SYTL2: variants seen among roughly 807,000 people sequenced by gnomAD.
SYTL2 encodes synaptotagmin like 2.
Under a neutral mutation model 198.7 loss-of-function variants are expected in SYTL2, and 165 were observed. That is an observed-to-expected ratio of 0.83 (90% confidence interval 0.73 to 0.94). The LOEUF is 0.94. Among genes scored for constraint, SYTL2 ranks in the 40% least tolerant of loss-of-function variants. The pLI is 0.00. For synonymous variants in SYTL2, 966 were observed against 917.7 expected, an observed-to-expected ratio of 1.05 and a Z score of -0.95; for missense variants, 2,835 against 2,582.8, an observed-to-expected ratio of 1.10 and a Z score of -2.12.
Position 85,726,120 on chromosome 11 carries a change from G to T in SYTL2, c.3238C>A (p.Gln1080Lys). Residue 1080 changes from glutamine (Q) to lysine (K), a missense_variant, in exon 8 of 20, where the codon CAG becomes AAG. Coordinates refer to ENST00000359152, the MANE Select transcript of SYTL2 (RefSeq NM_206927.4). ...PLSPLRKYTY[Q>K]LPGNESSKEN... is the part of the protein sequence containing the mutation. Reference sequence around the variant, plus strand: ...TTTGATGACTCATTTCCTGGCAACTGATAAGTATACTTTCTAAGTGGACTC... The same window carrying T: ...TTTGATGACTCATTTCCTGGCAACTTATAAGTATACTTTCTAAGTGGACTC... The T allele has an allele frequency of 1.2e-6, 2 of 1,613,978 alleles. No individual in the cohort carries two copies. Among genetic ancestry groups the T allele is most frequent in the South Asian group, 2.2e-5 (2 of 91,026 alleles).
At chr11:85,794,271 TG>T (rs775355746) in intron 1 of SYTL2, among the ~76,000 whole-genome samples, 2 of 152,308 alleles carry the variant, frequency 1.3e-5, no homozygotes, top group Middle Eastern at 3.4e-3. Context: ...TTCAAACTCC[TG>T]GGTTTAAGCA....
At chr11:85,751,572 G>A (rs778581782) in intron 2 of SYTL2, among the ~76,000 whole-genome samples, 11 of 152,182 alleles carry the variant, frequency 7.2e-5, no homozygotes, top group African/African-American at 1.2e-4. Context: ...AGTAAACACC[G>A]GTGGGCTGGT....
chr11:85,696,368 C>T lies in SYTL2; in HGVS notation c.6389G>A (p.Ser2130Asn), dbSNP rs764072859. 21 of 1,613,916 alleles carry T rather than the reference C, an allele frequency of 1.3e-5. No homozygotes were observed. Among genetic ancestry groups the T allele is most frequent in the Non-Finnish European group, 1.7e-5 (20 of 1,179,836 alleles). Reference sequence around the variant, plus strand: ...TCTTGTCTTCTGGCGACTTTTCCTACTTGTATCTGGAAGGATGGTACTACA... The same window carrying T: ...TCTTGTCTTCTGGCGACTTTTCCTATTTGTATCTGGAAGGATGGTACTACA... ...FVKCTILPDT[S>N]RKSRQKTRAV... Residue 2130 changes from serine (S) to asparagine (N), a missense_variant, in exon 19 of 20, where the codon AGT becomes AAT. Physicochemically the swap from Ser to Asn is conservative, Grantham distance 46 (BLOSUM62 1). Coordinates refer to ENST00000359152, the MANE Select transcript of SYTL2 (RefSeq NM_206927.4).
intron 7 of SYTL2, among the ~76,000 whole-genome samples, chr11:85,728,857 T>A (rs2089511671): frequency 6.6e-6 from 1 of 152,194 alleles, no homozygotes; most frequent in Non-Finnish European, 1.5e-5. Flanking sequence ...TGGGCCTTAC[T>A]ATTGATGTAT....
intron 4 of SYTL2, among the ~76,000 whole-genome samples, chr11:85,741,432 A>G (rs1247192379): frequency 1.3e-5 from 2 of 152,186 alleles, no homozygotes; most frequent in Non-Finnish European, 2.9e-5. Flanking sequence ...CATGCATATA[A>G]AAGTATGAGG....
the SYTL2 span, among the ~76,000 whole-genome samples, chr11:85,838,522 G>A: frequency 6.6e-6 from 1 of 152,220 alleles, no homozygotes; most frequent in East Asian, 1.9e-4. Context: ...TGGCCTCTAG[G>A]GAAGCCTCAG....
chr11:85,838,574 T>C, the SYTL2 span, among the ~76,000 whole-genome samples: 3 of 152,086 alleles, frequency 2.0e-5, no homozygotes, highest in Non-Finnish European at 4.4e-5. Context: ...GAAGCAGGTA[T>C]CTCACACGGT....
intron 12 of SYTL2, among the ~76,000 whole-genome samples, chr11:85,714,189 C>T (rs572742117): frequency 6.6e-6 from 1 of 152,346 alleles, no homozygotes; most frequent in African/African-American, 2.4e-5. Context: ...CAAATCTATG[C>T]AATTTGACTT....
chr11:85,848,790 G>C, the SYTL2 span, among the ~76,000 whole-genome samples: 1 of 152,180 alleles, frequency 6.6e-6, no homozygotes, highest in Non-Finnish European at 1.5e-5. Flanking sequence ...CCTGGGATAA[G>C]AAACCCTGGC....
At chr11:85,764,726 C>T (rs556551434) in intron 1 of SYTL2, among the ~76,000 whole-genome samples, 127 of 152,284 alleles carry the variant, frequency 8.3e-4, no homozygotes, top group African/African-American at 3.0e-3. Context: ...TGATCAGTCC[C>T]TTTGGATTTG....
chr11:85,795,404 A>G (rs1445515), intron 1 of SYTL2, among the ~76,000 whole-genome samples: 8,933 of 152,248 alleles, frequency 0.059, 826 homozygotes, highest in African/African-American at 0.2. Context: ...GGCAGCAGAA[A>G]AGGCCAGATA....
chr11:85,698,499 A>C (rs2083746693), intron 17 of SYTL2, among the ~76,000 whole-genome samples: 1 of 152,230 alleles, frequency 6.6e-6, no homozygotes, highest in Non-Finnish European at 1.5e-5. Context: ...TAAAGTAACC[A>C]AAACAGGTAT....
At chr11:85,705,304 G>C (rs1355512104) in intron 15 of SYTL2, 1 of 261,336 alleles carries the variant, frequency 3.8e-6, no homozygotes, top group African/African-American at 2.2e-5. Flanking sequence ...ATAAAAGCCA[G>C]TTTTTCAATT....
chr11:85,751,732 C>A (rs2091524002), intron 2 of SYTL2, among the ~76,000 whole-genome samples: 1 of 152,240 alleles, frequency 6.6e-6, no homozygotes, highest in Admixed American at 6.5e-5. Context: ...AACCACACAT[C>A]TGACACTTAA....
In SYTL2 at chr11:85,734,306, C is replaced by T; in HGVS notation, c.1023G>A (p.Glu341=). 1 of 1,614,234 alleles carries T rather than the reference C, an allele frequency of 6.2e-7. No individual in the cohort carries two copies. The highest frequency in any genetic ancestry group is 8.5e-7 in the Non-Finnish European group (1 of 1,180,020). The change falls in exon 7 of 20, where the codon GAG becomes GAA. Residue 341 remains glutamate (E), a synonymous_variant. Coordinates refer to ENST00000359152, the MANE Select transcript of SYTL2 (RefSeq NM_206927.4). The stretch of plus-strand genomic sequence containing the variant: ...GGATTAGCCCAGGACTCTGTGGAAG[C>T]TCATCCTTCACTGCAGAGAATCTCA... ...KHVRFSAVKD[E]LPQSPGLIHG...
At chr11:85,739,605 T>G (rs1467086882) in intron 4 of SYTL2, among the ~76,000 whole-genome samples, 1 of 152,220 alleles carries the variant, frequency 6.6e-6, no homozygotes, top group African/African-American at 2.4e-5. Context: ...TATAATGTTT[T>G]GCTTGTCTGT....
chr11:85,836,798 G>A, the SYTL2 span, among the ~76,000 whole-genome samples: 1 of 152,072 alleles, frequency 6.6e-6, no homozygotes, highest in Non-Finnish European at 1.5e-5. Context: ...AAGTCATAAT[G>A]TGACCTTAGA....
intron 12 of SYTL2, 81 bp downstream of exon 12, chr11:85,714,332 G>C: frequency 8.8e-7 from 1 of 1,134,228 alleles, no homozygotes; most frequent in Non-Finnish European, 1.3e-6. Context: ...CTGCCACAGT[G>C]GAATACAAAC....
At chr11:85,799,703 C>A (rs1409777602) in intron 1 of SYTL2, among the ~76,000 whole-genome samples, 1 of 152,146 alleles carries the variant, frequency 6.6e-6, no homozygotes, top group South Asian at 2.1e-4. Context: ...GCCACCTCTT[C>A]CAGGAAGCCC....
Sources: gnomAD v4.1 joint callset for allele counts (sites outside exome capture counted in the v4.1 genomes callset) on GRCh38, gnomAD v4.1.1 for gene constraint, MANE v1.5 for transcripts, NCBI Gene and HGNC (gene_info 2026-07-23, HGNC 2026-07-21) for gene names.